The following PDE1C variants were observed in gnomAD, a reference collection of about 807,000 sequenced individuals.
The protein encoded by PDE1C is phosphodiesterase 1C, also known as dual specificity calcium/calmodulin-dependent 3',5'-cyclic nucleotide phosphodiesterase 1C.
Under a neutral mutation model 93.1 loss-of-function variants are expected in PDE1C, and 62 were observed. The ratio of observed to expected loss-of-function variants is 0.67; its 90% CI spans 0.54 to 0.82. The LOEUF is 0.82. Ranked by LOEUF, PDE1C falls within the 40% of genes least tolerant of loss-of-function variation. The pLI is 0.00. For synonymous variants in PDE1C, 325 were observed against 310.1 expected, an observed-to-expected ratio of 1.05 and a Z score of -0.50; for missense variants, 742 against 884.6, an observed-to-expected ratio of 0.84 and a Z score of 2.04.
intron 3 of PDE1C, among the ~76,000 whole-genome samples, chr7:32,140,248 T>G (rs765312460): frequency 2.2e-4 from 34 of 152,194 alleles, no homozygotes; most frequent in Non-Finnish European, 3.7e-4. Context: ...TCAAGCAAGA[T>G]GAAGTTACAG....
intron 2 of PDE1C, among the ~76,000 whole-genome samples, chr7:31,912,259 T>C (rs574326054): frequency 3.3e-5 from 5 of 152,334 alleles, no homozygotes; most frequent in South Asian, 4.1e-4. Context: ...TATTGTCATA[T>C]AGTTATTACC....
intron 1 of PDE1C, among the ~76,000 whole-genome samples, chr7:32,368,875 A>G (rs170013): frequency 0.74 from 113,108 of 151,970 alleles, 44,424 homozygotes; most frequent in East Asian, 0.97. Flanking sequence ...GAACAAAAGC[A>G]CCAGGAACAT....
chr7:32,303,974 G>A (rs1812938572), upstream of PDE1C, among the ~76,000 whole-genome samples: 1 of 152,122 alleles, frequency 6.6e-6, no homozygotes, highest in South Asian at 2.1e-4. Flanking sequence ...TTGAAGTTAG[G>A]AGTTATAAGT....
At chr7:31,815,051 A>T (rs6462306) in intron 15 of PDE1C, among the ~76,000 whole-genome samples, 2 of 152,014 alleles carry the variant, frequency 1.3e-5, no homozygotes, top group African/African-American at 2.4e-5. Context: ...AAGTATCTTT[A>T]GCCCATCTGA....
At chr7:32,427,020 G>A (rs552906023) in intron 1 of PDE1C, among the ~76,000 whole-genome samples, 2 of 152,196 alleles carry the variant, frequency 1.3e-5, no homozygotes, top group African/African-American at 4.8e-5. Flanking sequence ...ACAAACTAAG[G>A]CATTTTCCTC....
chr7:32,016,794 C>T (rs969384482), intron 2 of PDE1C, among the ~76,000 whole-genome samples: 1 of 152,108 alleles, frequency 6.6e-6, no homozygotes, highest in Admixed American at 6.6e-5. Flanking sequence ...ATTTTTTGTA[C>T]AGAACAAAGT....
chr7:32,304,675 C>A (rs144419559), intron 1 of PDE1C, among the ~76,000 whole-genome samples: 20 of 152,158 alleles, frequency 1.3e-4, no homozygotes, highest in African/African-American at 4.8e-4. Context: ...TACTTGCTAG[C>A]TGTGTGATCT....
At chr7:31,738,325 C>A in the PDE1C span, among the ~76,000 whole-genome samples, 969 of 152,236 alleles carry the variant, frequency 6.4e-3, 8 homozygotes, top group African/African-American at 0.022. Context: ...GGTGGGGAGG[C>A]CTCACAATCA....
intron 1 of PDE1C, among the ~76,000 whole-genome samples, chr7:32,277,670 AAG>A (rs1047896285): frequency 4.6e-5 from 7 of 152,324 alleles, no homozygotes; most frequent in Admixed American, 4.6e-4. Flanking sequence ...AAAAGGAAGA[AAG>A]AGAAAGATGC....
intron 14 of PDE1C, among the ~76,000 whole-genome samples, chr7:31,817,961 A>G (rs549023944): frequency 6.6e-6 from 1 of 152,236 alleles, no homozygotes; most frequent in African/African-American, 2.4e-5. Flanking sequence ...GTTTTCATTC[A>G]TTGATCCATC....
intron 6 of PDE1C, among the ~76,000 whole-genome samples, chr7:31,871,182 G>A (rs535797175): frequency 6.6e-6 from 1 of 151,660 alleles, no homozygotes; most frequent in South Asian, 2.1e-4. Flanking sequence ...ATATATAGAA[G>A]AATAAAACTA....
At chr7:32,370,128 C>T (rs9690227) in intron 1 of PDE1C, among the ~76,000 whole-genome samples, 12,660 of 152,190 alleles carry the variant, frequency 0.083, 592 homozygotes, top group African/African-American at 0.12. Flanking sequence ...TGGCACAATA[C>T]ACCATGGAAT....
At chr7:31,684,462 T>C in the PDE1C span, among the ~76,000 whole-genome samples, 2 of 152,116 alleles carry the variant, frequency 1.3e-5, no homozygotes, top group Non-Finnish European at 2.9e-5. Context: ...AAAGACTCCA[T>C]GAAAAGATTA....
At chr7:31,833,093 G>A (rs1562885266) in intron 11 of PDE1C, among the ~76,000 whole-genome samples, 1 of 152,132 alleles carries the variant, frequency 6.6e-6, no homozygotes, top group African/African-American at 2.4e-5. Context: ...CCTCCATACT[G>A]TTTTCATGAT....
chr7:32,266,445 G>A (rs964882867), intron 1 of PDE1C, among the ~76,000 whole-genome samples: 2 of 151,148 alleles, frequency 1.3e-5, no homozygotes, highest in African/African-American at 4.9e-5. Context: ...AGGTTGTGGT[G>A]AGCCGAGATC....
At chr7:32,078,817 C>G (rs1006078820) in intron 3 of PDE1C, among the ~76,000 whole-genome samples, 3 of 151,582 alleles carry the variant, frequency 2.0e-5, no homozygotes, top group Non-Finnish European at 4.4e-5. Context: ...GCCCTGGCTA[C>G]TAGGGAGGCT....
intron 2 of PDE1C, among the ~76,000 whole-genome samples, chr7:32,170,239 T>C (rs1399458876): frequency 6.6e-6 from 1 of 152,086 alleles, no homozygotes; most frequent in Non-Finnish European, 1.5e-5. Context: ...GGTATCTATG[T>C]AGATGTTTAT....
intron 9 of PDE1C, among the ~76,000 whole-genome samples, chr7:31,842,303 T>C (rs543423752): frequency 1.3e-5 from 2 of 152,290 alleles, no homozygotes; most frequent in African/African-American, 2.4e-5. Flanking sequence ...ATCAAAATTA[T>C]GTCTTATAAA....
chr7:31,970,622 C>G (rs953738109), intron 2 of PDE1C, among the ~76,000 whole-genome samples: 1 of 152,184 alleles, frequency 6.6e-6, no homozygotes, highest in Non-Finnish European at 1.5e-5. Context: ...ACTTGTAAAA[C>G]TATTTTCACT....
Sources: allele counts gnomAD v4.1 joint callset (sites outside exome capture counted in the v4.1 genomes callset), GRCh38; gene constraint gnomAD v4.1.1; transcripts MANE v1.5; gene names NCBI Gene and HGNC (gene_info 2026-07-23, HGNC 2026-07-21).